Variants in B3GAT2 observed in about 807,000 individuals in gnomAD.
B3GAT2 encodes beta-1,3-glucuronyltransferase 2.
A neutral mutation model predicts 27.8 loss-of-function variants in B3GAT2; 26 were observed. The ratio of observed to expected loss-of-function variants is 0.93; its 90% CI spans 0.68 to 1.30. The LOEUF (loss-of-function observed/expected upper bound fraction) is 1.30. Ranked by LOEUF, B3GAT2 falls within the 50% of genes most tolerant of loss-of-function variation. B3GAT2 has a pLI of 0.00. For missense variants in B3GAT2, 458 were observed against 459.0 expected (o/e 1.00, Z 0.02); for synonymous variants, 218 against 195.1 (o/e 1.12, Z -0.98).
At chr6:70,898,666 A>G (rs1394836730) in intron 1 of B3GAT2, among the ~76,000 whole-genome samples, 4 of 152,206 alleles carry the variant, frequency 2.6e-5, no homozygotes, top group African/African-American at 9.6e-5. Flanking sequence ...AAATATTCAA[A>G]TCTGTGAAAA....
At chr6:70,866,822 A>G (rs1771859064) in intron 2 of B3GAT2, among the ~76,000 whole-genome samples, 1 of 152,226 alleles carries the variant, frequency 6.6e-6, no homozygotes, top group Admixed American at 6.5e-5. Context: ...CTACACCTAA[A>G]TGACATTTAT....
At chr6:70,884,102 AAAAAAAAAAAAC>A (rs1332893476) in intron 2 of B3GAT2, among the ~76,000 whole-genome samples, 10 of 149,824 alleles carry the variant, frequency 6.7e-5, no homozygotes, top group South Asian at 2.1e-4. Flanking sequence ...ACTCAAAAAA[AAAAAAAAAAAAC>A]AAAAAAAACC....
intron 1 of B3GAT2, among the ~76,000 whole-genome samples, chr6:70,943,100 C>G (rs1001766794): frequency 6.6e-6 from 1 of 152,146 alleles, no homozygotes; most frequent in African/African-American, 2.4e-5. Flanking sequence ...GAAAAAGACC[C>G]AATCTGACTT....
chr6:70,906,259 A>G (rs1772600684), intron 1 of B3GAT2, among the ~76,000 whole-genome samples: 1 of 152,208 alleles, frequency 6.6e-6, no homozygotes, highest in African/African-American at 2.4e-5. Flanking sequence ...TTTCAAAATT[A>G]GGTACTATTC....
At chr6:70,882,312 T>C (rs1373147617) in intron 2 of B3GAT2, among the ~76,000 whole-genome samples, 3 of 151,984 alleles carry the variant, frequency 2.0e-5, no homozygotes, top group South Asian at 2.1e-4. Flanking sequence ...CCATACTGGC[T>C]AACATGGTGA....
intron 1 of B3GAT2, among the ~76,000 whole-genome samples, chr6:70,941,378 C>T (rs1765391400): frequency 6.6e-6 from 1 of 152,120 alleles, no homozygotes; most frequent in Admixed American, 6.5e-5. Context: ...AGGCAGTCAA[C>T]CCTTGCCAAT....
At chr6:70,910,169 G>A (rs762562025) in intron 1 of B3GAT2, among the ~76,000 whole-genome samples, 3 of 152,124 alleles carry the variant, frequency 2.0e-5, no homozygotes, top group South Asian at 2.1e-4. Flanking sequence ...CACTGTGCCC[G>A]GCCCCTCTTC....
rs1771493600 is a variant in B3GAT2 at position 70,857,752 on chromosome 6, A to G, written c.*3911T>C. 2 of 626,156 alleles carry G rather than the reference A, an allele frequency of 3.2e-6. No individual in the cohort carries two copies. The highest frequency in any genetic ancestry group is 2.0e-5 in the South Asian group (1 of 49,454). 38.8% of individuals were successfully genotyped at this position (626,156 alleles called of 1,614,324 possible). A position where few individuals can be genotyped will look rare whatever the true frequency, so the allele number is the denominator to read the frequency against. ...CTGATTTGTCTGCATCCTAGAAACA[A>G]CCAGCTCTCAGGGTTTAGGTGTGGG... is the stretch of plus-strand genomic sequence containing the variant. On this transcript the variant is annotated 3_prime_UTR_variant, in exon 4 of 4. Coordinates refer to ENST00000230053, the MANE Select transcript of B3GAT2 (RefSeq NM_080742.3).
chr6:70,937,520 C>T (rs895958568), intron 1 of B3GAT2, among the ~76,000 whole-genome samples: 24 of 152,144 alleles, frequency 1.6e-4, no homozygotes, highest in Admixed American at 6.6e-4. Context: ...ACTGGCAAAC[C>T]GAATCCAGCA....
intron 1 of B3GAT2, among the ~76,000 whole-genome samples, chr6:70,921,004 C>T (rs1324075130): frequency 6.6e-6 from 1 of 152,214 alleles, no homozygotes; most frequent in Non-Finnish European, 1.5e-5. Flanking sequence ...CTGTTAGCCT[C>T]ATCGGAATCC....
chr6:70,931,969 T>A (rs900761347), intron 1 of B3GAT2, among the ~76,000 whole-genome samples: 14 of 152,246 alleles, frequency 9.2e-5, no homozygotes, highest in African/African-American at 3.1e-4. Context: ...TGAAGAGATA[T>A]TTCCCCAAAG....
chr6:70,949,875 T>C (rs1157132495), intron 1 of B3GAT2, among the ~76,000 whole-genome samples: 3 of 151,960 alleles, frequency 2.0e-5, no homozygotes, highest in Admixed American at 1.3e-4. Flanking sequence ...TATGCAGCCA[T>C]AAAAAATGAT....
intron 2 of B3GAT2, among the ~76,000 whole-genome samples, chr6:70,888,600 T>C (rs1478398875): frequency 2.6e-5 from 4 of 152,120 alleles, no homozygotes; most frequent in African/African-American, 7.2e-5. Flanking sequence ...TCCTCCCCCA[T>C]TCATCCCACA....
At chr6:70,865,149 A>G (rs1771829122) in intron 2 of B3GAT2, among the ~76,000 whole-genome samples, 1 of 152,190 alleles carries the variant, frequency 6.6e-6, no homozygotes, top group Non-Finnish European at 1.5e-5. Flanking sequence ...GTTTTTGGAC[A>G]GAGTTTCACT....
intron 1 of B3GAT2, among the ~76,000 whole-genome samples, chr6:70,925,244 A>G (rs556469980): frequency 3.7e-4 from 57 of 152,392 alleles, no homozygotes; most frequent in African/African-American, 1.3e-3. Flanking sequence ...GACGCAGAAG[A>G]CAGGAGATTT....
intron 1 of B3GAT2, among the ~76,000 whole-genome samples, chr6:70,903,210 A>G (rs1003531554): frequency 1.3e-5 from 2 of 152,072 alleles, no homozygotes; most frequent in African/African-American, 4.8e-5. Context: ...TTAAATTAAA[A>G]TGGGACCATG....
At chr6:70,935,771 A>G (rs1765262667) in intron 1 of B3GAT2, among the ~76,000 whole-genome samples, 1 of 152,230 alleles carries the variant, frequency 6.6e-6, no homozygotes, top group South Asian at 2.1e-4. Flanking sequence ...ATGGAAAGGC[A>G]CAACCGGTAC....
rs1771592824 is a variant in B3GAT2 at position 70,859,356 on chromosome 6, C to T, written c.*2307G>A. The T allele has an allele frequency of 6.5e-7, 1 of 1,548,942 alleles. No homozygotes were observed. Among genetic ancestry groups the T allele is most frequent in the African/African-American group, 1.4e-5 (1 of 72,986 alleles). On this transcript the variant is annotated 3_prime_UTR_variant, in exon 4 of 4. Transcript: ENST00000230053. ...AATGCAGAAGGGTGATGCTGTTCTC[C>T]AGCACTCCATCAGTGCAATCTACTG... is the stretch of plus-strand genomic sequence containing the variant.
intron 1 of B3GAT2, among the ~76,000 whole-genome samples, chr6:70,938,740 T>C (rs1216315548): frequency 1.3e-5 from 2 of 152,092 alleles, no homozygotes; most frequent in African/African-American, 2.4e-5. Context: ...TTACACCTTA[T>C]ACAAAAATTA....
Sources: allele counts gnomAD v4.1 joint callset (sites outside exome capture counted in the v4.1 genomes callset), GRCh38; gene constraint gnomAD v4.1.1; transcripts MANE v1.5; gene names NCBI Gene and HGNC (gene_info 2026-07-23, HGNC 2026-07-21).